PTPRD: variants seen among roughly 807,000 people sequenced by gnomAD.
The protein encoded by PTPRD is receptor-type tyrosine-protein phosphatase delta.
Under a neutral mutation model 214.5 loss-of-function variants are expected in PTPRD, and 34 were observed. The observed-to-expected ratio is 0.16, with a 90% CI of 0.12 to 0.21. The LOEUF is 0.21. Ranked by LOEUF, PTPRD falls within the 10% of genes least tolerant of loss-of-function variation. The pLI, the probability that PTPRD is intolerant of heterozygous loss-of-function variation, is 1.00. For missense variants in PTPRD, 2,545 were observed against 2,398.7 expected (o/e 1.06, Z -1.27); for synonymous variants, 1,128 against 845.7 (o/e 1.33, Z -5.79).
At chr9:9,978,178 C>T (rs7874951) in intron 4 of PTPRD, among the ~76,000 whole-genome samples, 116,330 of 151,874 alleles carry the variant, frequency 0.77, 45,104 homozygotes, top group Middle Eastern at 0.89. Context: ...ATCAGAAAAC[C>T]AACAAAAAAG....
At chr9:9,667,909 C>G (rs766404187) in intron 7 of PTPRD, among the ~76,000 whole-genome samples, 5 of 152,058 alleles carry the variant, frequency 3.3e-5, no homozygotes, top group African/African-American at 4.8e-5. Flanking sequence ...AAAACATTCT[C>G]TTAGCAATGG....
At chr9:9,171,125 C>T (rs781407237) in intron 10 of PTPRD, among the ~76,000 whole-genome samples, 4 of 152,070 alleles carry the variant, frequency 2.6e-5, no homozygotes, top group South Asian at 2.1e-4. Flanking sequence ...GCTGCTTTCT[C>T]GTTAACTCTC....
intron 2 of PTPRD, among the ~76,000 whole-genome samples, chr9:10,364,376 T>A (rs911618444): frequency 1.3e-5 from 2 of 152,036 alleles, no homozygotes; most frequent in African/African-American, 4.8e-5. Flanking sequence ...TAGCATCTAT[T>A]TGATGGGCTA....
intron 11 of PTPRD, among the ~76,000 whole-genome samples, chr9:8,743,149 T>C (rs534221741): frequency 2.7e-5 from 4 of 150,818 alleles, no homozygotes; most frequent in African/African-American, 9.7e-5. Flanking sequence ...ATCTAATACA[T>C]TGCTTTCTAA....
rs1003819572 is a variant in PTPRD at position 10,612,876 on chromosome 9, G to T, written c.-896C>A. On this transcript the variant is annotated 5_prime_UTR_variant, in exon 1 of 46. Transcript: ENST00000381196. ...GCAAGGAGGAGGCGAGGCTCTGTCG[G>T]GGCGAGGCGCTGCCCCCACGCGCTC... Among the ~76,000 whole-genome samples, 1 of 151,954 alleles carries T rather than the reference G, an allele frequency of 6.6e-6. No individual in the cohort carries two copies. Among genetic ancestry groups the T allele is most frequent in the Non-Finnish European group, 1.5e-5 (1 of 67,966 alleles).
intron 3 of PTPRD, among the ~76,000 whole-genome samples, chr9:10,248,570 C>G (rs2092456677): frequency 6.8e-6 from 1 of 146,258 alleles, no homozygotes; most frequent in African/African-American, 2.6e-5. Context: ...ATTATCTGAC[C>G]AAATTAATTT....
intron 8 of PTPRD, among the ~76,000 whole-genome samples, chr9:9,406,997 T>C (rs956392482): frequency 6.6e-6 from 1 of 151,764 alleles, no homozygotes; most frequent in Non-Finnish European, 1.5e-5. Flanking sequence ...ATTAGTAAAT[T>C]ACTTACCCTC....
intron 8 of PTPRD, among the ~76,000 whole-genome samples, chr9:9,507,379 G>A (rs930743106): frequency 6.6e-6 from 1 of 151,080 alleles, no homozygotes; most frequent in Non-Finnish European, 1.5e-5. Context: ...TACTTTCTTG[G>A]ATTGTCTGAA....
chr9:9,920,010 G>T (rs1228358720), intron 5 of PTPRD, among the ~76,000 whole-genome samples: 3 of 151,962 alleles, frequency 2.0e-5, no homozygotes, highest in Non-Finnish European at 4.4e-5. Context: ...CATAATCAAA[G>T]ATCTTTTCTT....
At chr9:9,087,228 C>T (rs1356433002) in intron 10 of PTPRD, among the ~76,000 whole-genome samples, 1 of 152,072 alleles carries the variant, frequency 6.6e-6, no homozygotes, top group Non-Finnish European at 1.5e-5. Context: ...TACAGATTTC[C>T]CCAGTTACCA....
intron 11 of PTPRD, among the ~76,000 whole-genome samples, chr9:9,009,579 A>T (rs1330228930): frequency 6.6e-6 from 1 of 152,094 alleles, no homozygotes; most frequent in East Asian, 1.9e-4. Context: ...TGGAGAAAAA[A>T]AAATTAGAAC....
chr9:10,335,079 A>G lies in PTPRD; in HGVS notation c.-545+5884T>C, dbSNP rs538166149. ...CCAGCCAGTTATATTTTGGATATTG[A>G]CAAACTGATTGTTAAGCTAACATGT... On this transcript the variant is annotated intron_variant, in intron 3 of 45. Transcript: ENST00000381196. Among the ~76,000 whole-genome samples the G allele has an allele frequency of 1.2e-4, 18 of 151,866 alleles. No homozygotes were observed. In the South Asian group the frequency reaches 3.5e-3, roughly 30 times the overall value.
intron 3 of PTPRD, among the ~76,000 whole-genome samples, chr9:10,333,684 C>T (rs2096792379): frequency 6.6e-6 from 1 of 151,714 alleles, no homozygotes; most frequent in Admixed American, 6.6e-5. Context: ...TGGCATACAC[C>T]AGGATATCTA....
chr9:8,923,552 G>A (rs371735046), intron 11 of PTPRD, among the ~76,000 whole-genome samples: 20 of 152,178 alleles, frequency 1.3e-4, no homozygotes, highest in Non-Finnish European at 2.2e-4. Context: ...CCAGCAAGAC[G>A]TACAGAATGC....
intron 11 of PTPRD, among the ~76,000 whole-genome samples, chr9:8,839,675 T>C (rs1253848711): frequency 2.0e-5 from 3 of 152,192 alleles, no homozygotes; most frequent in Non-Finnish European, 4.4e-5. Context: ...ATAATCAGCA[T>C]ACTTCTACAT....
At chr9:9,275,362 C>T (rs1945195427) in intron 9 of PTPRD, among the ~76,000 whole-genome samples, 1 of 148,310 alleles carries the variant, frequency 6.7e-6, no homozygotes, top group South Asian at 2.1e-4. Context: ...TGTAAAATGT[C>T]CTTTGTGTAT....
At chr9:8,675,591 C>T (rs935429054) in intron 12 of PTPRD, among the ~76,000 whole-genome samples, 2 of 146,856 alleles carry the variant, frequency 1.4e-5, no homozygotes, top group African/African-American at 2.5e-5. Flanking sequence ...CTATTCCCTC[C>T]ATCACACTCA....
intron 8 of PTPRD, among the ~76,000 whole-genome samples, chr9:9,411,369 T>C (rs956479140): frequency 6.6e-5 from 10 of 151,600 alleles, no homozygotes; most frequent in South Asian, 4.2e-4. Flanking sequence ...AATCCTAAGC[T>C]AGCAAACTAT....
intron 3 of PTPRD, among the ~76,000 whole-genome samples, chr9:10,168,003 C>A (rs1490713283): frequency 6.6e-6 from 1 of 152,100 alleles, no homozygotes; most frequent in Non-Finnish European, 1.5e-5. Flanking sequence ...ACCTCAGTGA[C>A]CATTATCCTT....
Sources: allele counts gnomAD v4.1 joint callset (sites outside exome capture counted in the v4.1 genomes callset), GRCh38; gene constraint gnomAD v4.1.1; transcripts MANE v1.5; gene names NCBI Gene and HGNC (gene_info 2026-07-23, HGNC 2026-07-21).